BCAR3: variants seen among roughly 807,000 people sequenced by gnomAD.
BCAR3 encodes the protein BCAR3 adaptor protein, NSP family member.
BCAR3 carries 37 observed loss-of-function variants against 80.1 expected under a neutral mutation model. The ratio of observed to expected loss-of-function variants is 0.46; its 90% CI spans 0.36 to 0.61. The LOEUF is 0.61. BCAR3 is among the 20% of genes least tolerant of loss of function. The pLI, the probability that BCAR3 is intolerant of heterozygous loss-of-function variation, is 0.00. For missense variants in BCAR3, 978 were observed against 1,068.2 expected, an observed-to-expected ratio of 0.92 and a Z score of 1.18; for synonymous variants, 389 against 418.9, an observed-to-expected ratio of 0.93 and a Z score of 0.87.
intron 11 of BCAR3, among the ~76,000 whole-genome samples, chr1:93,566,188 C>G (rs1048268905): frequency 6.6e-6 from 1 of 152,142 alleles, no homozygotes; most frequent in Non-Finnish European, 1.5e-5. Context: ...AAATCTAAAC[C>G]CAAGTACTTG....
At chr1:93,577,361 T>G (rs1357428952) in intron 7 of BCAR3, among the ~76,000 whole-genome samples, 1 of 152,168 alleles carries the variant, frequency 6.6e-6, no homozygotes, top group Non-Finnish European at 1.5e-5. Flanking sequence ...GTGGTATTAC[T>G]AACCCTACCC....
At chr1:93,594,097 T>C (rs1674324400) in intron 3 of BCAR3, among the ~76,000 whole-genome samples, 1 of 152,188 alleles carries the variant, frequency 6.6e-6, no homozygotes, top group Non-Finnish European at 1.5e-5. Context: ...GGCCACGCTT[T>C]ATTGTTCGTT....
chr1:93,710,540 C>T (rs12073093), intron 2 of BCAR3, among the ~76,000 whole-genome samples: 1 of 152,076 alleles, frequency 6.6e-6, no homozygotes, highest in Non-Finnish European at 1.5e-5. Context: ...GCTCCTAATG[C>T]AAACTTGTTA....
At position 93,582,433 on chromosome 1, in the gene BCAR3, G is replaced by A. The variant is rs776186336; in HGVS notation, c.1554C>T (p.Asn518=). 7.4e-6 allele frequency: 12 copies of A among 1,614,038 alleles called. No individual in the cohort carries two copies. The highest frequency in any genetic ancestry group is 1.7e-5 in the Admixed American group (1 of 60,002). The change falls in exon 7 of 12, where the codon AAC becomes AAT. Residue 518 remains asparagine (N), a synonymous_variant. Transcript: ENST00000260502. The part of the protein sequence containing the change: ...LLETVSSFRP[N]EFESKFLPPE... ...GGGGAAGGAACTTTGACTCAAACTC[G>A]TTGGGCCTGAAGGAGGAGACAGTCT...
intron 2 of BCAR3, among the ~76,000 whole-genome samples, chr1:93,817,636 CA>C (rs1654065861): frequency 6.6e-6 from 1 of 152,170 alleles, no homozygotes; most frequent in East Asian, 1.9e-4. Context: ...TTCTCCATGT[CA>C]TCTCTGGCAG....
At chr1:93,668,356 G>A (rs1278442662) in intron 2 of BCAR3, among the ~76,000 whole-genome samples, 1 of 152,140 alleles carries the variant, frequency 6.6e-6, no homozygotes, top group East Asian at 1.9e-4. Flanking sequence ...TGGTAGATCT[G>A]CAGGCACTTC....
intron 3 of BCAR3, chr1:93,605,574 C>A (rs1244736237): frequency 1.3e-5 from 2 of 152,220 alleles, no homozygotes; most frequent in African/African-American, 2.4e-5. Context: ...TGAAAACCGG[C>A]TGATCAGAGT....
intron 3 of BCAR3, among the ~76,000 whole-genome samples, chr1:93,697,753 C>T (rs1891140): frequency 0.7 from 106,224 of 152,030 alleles, 40,176 homozygotes; most frequent in East Asian, 0.98. Context: ...GCCGAGACGA[C>T]GGATCACCTG....
chr1:93,571,367 G>T (rs1268648006), intron 9 of BCAR3, among the ~76,000 whole-genome samples: 1 of 152,006 alleles, frequency 6.6e-6, no homozygotes, highest in Non-Finnish European at 1.5e-5. Flanking sequence ...GGGTGTGGTG[G>T]TGCCTGCCTA....
chr1:93,582,321 C>A lies in BCAR3; in HGVS notation c.1666G>T (p.Val556Leu). 6.2e-7 allele frequency: 1 copy of A among 1,613,996 alleles called. No homozygotes were observed. ...NNDPKVIAQH[V>L]LSMDCRVARI... ...CTTACCCTGCAGTCCATGCTCAGTA[C>A]GTGCTGGGCGATGACCTTGGGGTCG... Residue 556 changes from valine (V) to leucine (L), a missense_variant, in exon 7 of 12, where the codon GTA becomes TTA. Coordinates refer to ENST00000260502, the MANE Select transcript of BCAR3 (RefSeq NM_003567.4).
intron 3 of BCAR3, chr1:93,594,514 T>C (rs1674344508): frequency 6.6e-6 from 1 of 152,320 alleles, no homozygotes; most frequent in African/African-American, 2.4e-5. Context: ...GGGTCCCTGA[T>C]GACTGTGGGG....
At chr1:93,737,985 A>T (rs2100692347) in intron 2 of BCAR3, among the ~76,000 whole-genome samples, 1 of 152,292 alleles carries the variant, frequency 6.6e-6, no homozygotes, top group East Asian at 1.9e-4. Context: ...AAGCACAACC[A>T]TGCCAGCCTT....
chr1:93,654,602 G>T (rs1331473266), intron 2 of BCAR3, among the ~76,000 whole-genome samples: 1 of 152,286 alleles, frequency 6.6e-6, no homozygotes, highest in East Asian at 1.9e-4. Context: ...CCAAGTTTTT[G>T]TTACACAGCA....
chr1:93,781,705 C>T (rs566282653), intron 2 of BCAR3, among the ~76,000 whole-genome samples: 3 of 152,296 alleles, frequency 2.0e-5, no homozygotes, highest in South Asian at 4.1e-4. Context: ...GCTGGCTCTG[C>T]ATCATAGGCA....
chr1:93,614,429 C>T (rs1675043293), intron 3 of BCAR3, among the ~76,000 whole-genome samples: 1 of 152,032 alleles, frequency 6.6e-6, no homozygotes. Context: ...ACATTCACAC[C>T]ACCTTGTTAT....
At chr1:93,847,477 G>C (rs1360729673), upstream of BCAR3, 1 of 152,668 alleles carries the variant, frequency 6.6e-6, no homozygotes, top group East Asian at 1.9e-4. Flanking sequence ...GCGGCGGCTG[G>C]GTCTCGGTGA....
intron 2 of BCAR3, among the ~76,000 whole-genome samples, chr1:93,732,625 A>T (rs1304884602): frequency 6.7e-6 from 1 of 150,190 alleles, no homozygotes; most frequent in Non-Finnish European, 1.5e-5. Context: ...TCAAAAAAAG[A>T]AAAAAAAACG....
chr1:93,831,465 T>A (rs191392404), intron 2 of BCAR3, among the ~76,000 whole-genome samples: 4 of 152,300 alleles, frequency 2.6e-5, no homozygotes, highest in African/African-American at 9.6e-5. Context: ...CACTTTCGAT[T>A]TGTCTATCCT....
In BCAR3 at chr1:93,816,506, A is replaced by G. The variant is rs540094728; in HGVS notation, c.-63+29061T>C. Among the ~76,000 whole-genome samples the G allele has an allele frequency of 4.4e-4, 66 of 151,644 alleles. 1 individual carries two copies. In the South Asian group the frequency reaches 0.013, roughly 30 times the overall value. On this transcript the variant is annotated intron_variant, in intron 2 of 13. Coordinates refer to the BCAR3 transcript ENST00000370244. ...GCCAACACAGTGAAACCCCATCTCT[A>G]CTAAAAATACAAAAATTAGCTGTGT...
Sources: allele counts gnomAD v4.1 joint callset (sites outside exome capture counted in the v4.1 genomes callset), GRCh38; gene constraint gnomAD v4.1.1; transcripts MANE v1.5; gene names NCBI Gene and HGNC (gene_info 2026-07-23, HGNC 2026-07-21).